The following PHYHIPL variants were observed in gnomAD, a reference collection of about 807,000 sequenced individuals.
PHYHIPL encodes phytanoyl-CoA 2-hydroxylase interacting protein like.
Under a neutral mutation model 33.4 loss-of-function variants are expected in PHYHIPL, and 9 were observed. The observed-to-expected ratio is 0.27, with a 90% CI of 0.16 to 0.47. The LOEUF (loss-of-function observed/expected upper bound fraction) is 0.47. Among genes scored for constraint, PHYHIPL ranks in the 20% least tolerant of loss-of-function variants. The probability of loss-of-function intolerance (pLI) is 0.99; values close to 1 mark genes in which losing one functional copy is unlikely to be tolerated. For missense variants in PHYHIPL, 365 were observed against 460.7 expected, an observed-to-expected ratio of 0.79 and a Z score of 1.90; for synonymous variants, 153 against 154.1, an observed-to-expected ratio of 0.99 and a Z score of 0.05.
chr10:59,190,365 G>A (rs1331256066), intron 1 of PHYHIPL, among the ~76,000 whole-genome samples: 1 of 151,846 alleles, frequency 6.6e-6, no homozygotes, highest in Non-Finnish European at 1.5e-5. Context: ...TCAGATTTTT[G>A]TCAAAGTAGA....
intron 1 of PHYHIPL, among the ~76,000 whole-genome samples, chr10:59,224,183 TACTC>T (rs1473375591): frequency 1.3e-5 from 2 of 152,212 alleles, no homozygotes; most frequent in African/African-American, 4.8e-5. Context: ...GGATAATAAA[TACTC>T]AATGTATAAT....
At position 59,185,139 on chromosome 10, in the gene PHYHIPL, C is replaced by A. The variant is rs11006396; in HGVS notation, c.106+8180C>A. Reference sequence around the variant, plus strand: ...CCAAGTAGCTGGGACTACAGGCGCCCGCCACTACGCCCGGCTAATTTTTTG... The same window carrying A: ...CCAAGTAGCTGGGACTACAGGCGCCAGCCACTACGCCCGGCTAATTTTTTG... On this transcript the variant is annotated intron_variant, in intron 1 of 4. Coordinates refer to ENST00000373880, the MANE Select transcript of PHYHIPL (RefSeq NM_032439.4). Among the ~76,000 whole-genome samples, 5 of 151,378 alleles carry A rather than the reference C, an allele frequency of 3.3e-5. No individual in the cohort carries two copies. In the East Asian group the frequency reaches 9.8e-4, roughly 30 times the overall value.
rs1554799094 is a variant in PHYHIPL, at chr10:59,227,975, G to GATATATATATATAT, written c.107-6317_107-6316insATATATATATATAT. Reference sequence around the variant, plus strand: ...TAAGATTTTAATTTTTGCCTATTGAGATATATATATATGTTTTAAATAACA... The same window carrying GATATATATATATAT: ...TAAGATTTTAATTTTTGCCTATTGAGATATATATATATATATATATATATATGTTTTAAATAACA... On this transcript the variant is annotated intron_variant, in intron 1 of 4. Coordinates refer to ENST00000373880, the MANE Select transcript of PHYHIPL (RefSeq NM_032439.4). Among the ~76,000 whole-genome samples, 441 of 145,542 alleles carry GATATATATATATAT rather than the reference G, an allele frequency of 3.0e-3. 14 individuals are homozygous for GATATATATATATAT. The highest frequency in any genetic ancestry group is 0.011 in the African/African-American group (419 of 37,630).
intron 1 of PHYHIPL, among the ~76,000 whole-genome samples, chr10:59,230,638 T>A (rs1378391541): frequency 2.0e-5 from 3 of 152,162 alleles, no homozygotes; most frequent in Admixed American, 6.6e-5. Flanking sequence ...CAGGTGTTAA[T>A]CAATTTAAAA....
At chr10:59,202,155 T>C (rs2436571) in intron 1 of PHYHIPL, among the ~76,000 whole-genome samples, 7,636 of 152,066 alleles carry the variant, frequency 0.05, 517 homozygotes, top group African/African-American at 0.15. Flanking sequence ...ATGTTAGAGA[T>C]GAAAATATGC....
chr10:59,241,674 A>G (rs1390911593), intron 4 of PHYHIPL, among the ~76,000 whole-genome samples: 1 of 152,168 alleles, frequency 6.6e-6, no homozygotes, highest in Non-Finnish European at 1.5e-5. Context: ...TGTAGGACAC[A>G]TATCATAGAT....
chr10:59,208,640 G>A (rs1839356116), intron 1 of PHYHIPL, among the ~76,000 whole-genome samples: 1 of 152,016 alleles, frequency 6.6e-6, no homozygotes, highest in African/African-American at 2.4e-5. Flanking sequence ...AGCTAAAGGA[G>A]CGTGTTCTAA....
chr10:59,219,178 T>C lies in PHYHIPL; in HGVS notation c.107-15126T>C, dbSNP rs545091536. ...GACTTTTTGATGCCTCATAATCATA[T>C]TTGGATTGTCCTGCATATATTCATA... On this transcript the variant is annotated intron_variant, in intron 1 of 4. Transcript: ENST00000373880. The C allele has an allele frequency of 6.6e-4, 538 of 813,002 alleles. 6 individuals are homozygous for C. The South Asian group carries it at 0.02, about 31-fold the overall frequency. The allele number at this position is 813,002 out of a possible 1,614,324, so 50.4% of individuals were successfully genotyped here. A position where few individuals can be genotyped will look rare whatever the true frequency, so the allele number is the denominator to read the frequency against.
intron 1 of PHYHIPL, among the ~76,000 whole-genome samples, chr10:59,215,909 T>G (rs1274617766): frequency 6.6e-6 from 1 of 151,996 alleles, no homozygotes; most frequent in Non-Finnish European, 1.5e-5. Context: ...AGTCCAAAAT[T>G]TATGGTTGCA....
chr10:59,233,879 C>A (rs1271367409), intron 1 of PHYHIPL, among the ~76,000 whole-genome samples: 2 of 151,712 alleles, frequency 1.3e-5, no homozygotes, highest in African/African-American at 4.8e-5. Context: ...CTATATAATG[C>A]TTCCAAAATG....
intron 1 of PHYHIPL, among the ~76,000 whole-genome samples, chr10:59,224,101 C>G (rs550064757): frequency 1.3e-5 from 2 of 152,274 alleles, no homozygotes; most frequent in African/African-American, 4.8e-5. Context: ...ATATCATGCT[C>G]TCTCCCAGTT....
chr10:59,180,277 CAT>C (rs1554854117), intron 1 of PHYHIPL, among the ~76,000 whole-genome samples: 8 of 139,200 alleles, frequency 5.7e-5, no homozygotes, highest in South Asian at 2.3e-4. Flanking sequence ...CACACACACA[CAT>C]ACACACACAT....
chr10:59,191,580 T>C (rs1838785375), intron 1 of PHYHIPL, among the ~76,000 whole-genome samples: 1 of 152,016 alleles, frequency 6.6e-6, no homozygotes, highest in Non-Finnish European at 1.5e-5. Context: ...TTGTCAGTTT[T>C]TATCACTACA....
intron 1 of PHYHIPL, among the ~76,000 whole-genome samples, chr10:59,230,820 TGGCGGGGG>T (rs1211695600): frequency 1.3e-5 from 2 of 152,104 alleles, no homozygotes; most frequent in Non-Finnish European, 2.9e-5. Context: ...GTTAAAACCA[TGGCGGGGG>T]GGCTTCCAGA....
intron 1 of PHYHIPL, among the ~76,000 whole-genome samples, chr10:59,213,285 T>TCC (rs1839518263): frequency 1.3e-5 from 2 of 152,154 alleles, no homozygotes; most frequent in Non-Finnish European, 2.9e-5. Context: ...CTGTGTTAAG[T>TCC]ATTTACTCTA....
intron 1 of PHYHIPL, among the ~76,000 whole-genome samples, chr10:59,217,196 G>A (rs1440992919): frequency 6.6e-6 from 1 of 151,994 alleles, no homozygotes; most frequent in Non-Finnish European, 1.5e-5. Flanking sequence ...CAAGTGTAAA[G>A]GGAATTTGAA....
intron 1 of PHYHIPL, among the ~76,000 whole-genome samples, chr10:59,229,198 T>A (rs1327310497): frequency 1.3e-5 from 2 of 152,206 alleles, no homozygotes; most frequent in Non-Finnish European, 2.9e-5. Flanking sequence ...GTAAATACTT[T>A]ACAAATCTCA....
intron 3 of PHYHIPL, among the ~76,000 whole-genome samples, chr10:59,237,188 T>C (rs551168527): frequency 9.2e-5 from 14 of 151,960 alleles, no homozygotes; most frequent in Admixed American, 6.6e-5. Flanking sequence ...TGTATACATA[T>C]GTGTGTCTTT....
chr10:59,220,082 T>C (rs778935657), intron 1 of PHYHIPL, among the ~76,000 whole-genome samples: 4 of 152,144 alleles, frequency 2.6e-5, no homozygotes, highest in Non-Finnish European at 5.9e-5. Context: ...ACAAAGTGAA[T>C]AGGTATGCCC....
Sources: gnomAD v4.1 joint callset for allele counts (sites outside exome capture counted in the v4.1 genomes callset) on GRCh38, gnomAD v4.1.1 for gene constraint, MANE v1.5 for transcripts, NCBI Gene and HGNC (gene_info 2026-07-23, HGNC 2026-07-21) for gene names.